KPNA4: variants seen among roughly 807,000 people sequenced by gnomAD.
KPNA4 encodes the protein karyopherin subunit alpha 4, also known as importin subunit alpha-3.
A neutral mutation model predicts 71.3 loss-of-function variants in KPNA4; 13 were observed. The ratio of observed to expected loss-of-function variants is 0.18; its 90% CI spans 0.12 to 0.29. KPNA4 has a LOEUF of 0.29. KPNA4 is among the 10% of genes least tolerant of loss of function. The pLI, the probability that KPNA4 is intolerant of heterozygous loss-of-function variation, is 1.00. For missense variants in KPNA4, 334 were observed against 603.2 expected (o/e 0.55, Z 4.67); for synonymous variants, 189 against 195.2 (o/e 0.97, Z 0.26).
In KPNA4 at chr3:160,499,678, C is replaced by G. The variant is rs1225274759; in HGVS notation, c.*2426G>C. The G allele has an allele frequency of 1.3e-5, 2 of 152,032 alleles. No individual in the cohort carries two copies. The highest frequency in any genetic ancestry group is 4.8e-5 in the African/African-American group (2 of 41,392). 9.4% of individuals were successfully genotyped at this position (152,032 alleles called of 1,614,324 possible). On this transcript the variant is annotated 3_prime_UTR_variant, in exon 17 of 17. Coordinates refer to ENST00000334256, the MANE Select transcript of KPNA4 (RefSeq NM_002268.5). ...CCAGAGATATTAATATCACCCTTACCTATTTTCCATATCACTGTTCTATAC... is the reference window on the plus strand; with the variant it reads ...CCAGAGATATTAATATCACCCTTACGTATTTTCCATATCACTGTTCTATAC...
intron 1 of KPNA4, among the ~76,000 whole-genome samples, chr3:160,561,255 T>C (rs1229178858): frequency 1.3e-5 from 2 of 152,108 alleles, no homozygotes; most frequent in Non-Finnish European, 2.9e-5. Flanking sequence ...TATGCAGGTT[T>C]ATTAGGAAAT....
chr3:160,538,308 T>C (rs1165738203), intron 1 of KPNA4, among the ~76,000 whole-genome samples: 2 of 152,012 alleles, frequency 1.3e-5, no homozygotes, highest in Non-Finnish European at 2.9e-5. Flanking sequence ...TAGCAGTGGG[T>C]CTAGTAACTA....
chr3:160,518,220 C>T lies in KPNA4; in HGVS notation c.904-2640G>A, dbSNP rs1028505943. ...TCGGCTCACTGCAAGCTCCGCCTCC[C>T]GGGTTCACGCCATTCTCCTGCCTCA... On this transcript the variant is annotated intron_variant, in intron 11 of 16. Coordinates refer to ENST00000334256, the MANE Select transcript of KPNA4 (RefSeq NM_002268.5). Among the ~76,000 whole-genome samples, 87 of 151,752 alleles carry T rather than the reference C, an allele frequency of 5.7e-4. 2 individuals are homozygous for T. The highest frequency in any genetic ancestry group is 5.6e-3 in the Admixed American group (86 of 15,254).
At chr3:160,505,293 A>G (rs576513809) in intron 15 of KPNA4, among the ~76,000 whole-genome samples, 134 of 152,314 alleles carry the variant, frequency 8.8e-4, no homozygotes, top group Middle Eastern at 6.8e-3. Context: ...AAGTGTATAA[A>G]TAAGTAATGA....
chr3:160,510,009 T>C, intron 13 of KPNA4, 138 bp from the exon 14 acceptor site: 1 of 640,256 alleles, frequency 1.6e-6, no homozygotes, highest in South Asian at 1.9e-5. Context: ...TTTTTCTTAT[T>C]AAGACAGGTC....
At chr3:160,564,117 G>A (rs1264771675) in intron 1 of KPNA4, 1 of 152,080 alleles carries the variant, frequency 6.6e-6, no homozygotes, top group Non-Finnish European at 1.5e-5. Flanking sequence ...ATGCAGAAGG[G>A]AAGTATTAAA....
rs557483367 is a variant in KPNA4 at position 160,544,027 on chromosome 3, G to A, written c.70-7187C>T. 3.9e-5 allele frequency among the ~76,000 whole-genome samples: 6 copies of A among 152,012 alleles called. No individual in the cohort carries two copies. In the East Asian group the frequency reaches 5.8e-4, roughly 15 times the overall value. ...TGCCCGCCACCACGCCCAGTGTGGC[G>A]TGGTATTTTTAGTAGAAACGGGGTT... On this transcript the variant is annotated intron_variant, in intron 1 of 16. Coordinates refer to ENST00000334256, the MANE Select transcript of KPNA4 (RefSeq NM_002268.5).
At chr3:160,519,946 T>C (rs1227698336) in intron 11 of KPNA4, among the ~76,000 whole-genome samples, 1 of 152,178 alleles carries the variant, frequency 6.6e-6, no homozygotes, top group African/African-American at 2.4e-5. Flanking sequence ...TACACTATTT[T>C]ATTTTATGAA....
At chr3:160,516,021 C>T (rs1487594071) in intron 11 of KPNA4, among the ~76,000 whole-genome samples, 3 of 152,210 alleles carry the variant, frequency 2.0e-5, no homozygotes, top group Non-Finnish European at 2.9e-5. Context: ...GAGTCTCACT[C>T]TGTCGCCCAG....
At chr3:160,560,703 C>A (rs1428340274) in intron 1 of KPNA4, among the ~76,000 whole-genome samples, 1 of 151,952 alleles carries the variant, frequency 6.6e-6, no homozygotes, top group Non-Finnish European at 1.5e-5. Flanking sequence ...AAAATAAGGG[C>A]ATCTTGGTAT....
At chr3:160,554,286 G>T (rs1392734308) in intron 1 of KPNA4, among the ~76,000 whole-genome samples, 1 of 152,162 alleles carries the variant, frequency 6.6e-6, no homozygotes, top group Non-Finnish European at 1.5e-5. Context: ...TCACAAAGTT[G>T]TGCATTGAAC....
chr3:160,519,801 C>CAAAAAAAAAAAAAAAAAAAA (rs558355699), intron 11 of KPNA4, among the ~76,000 whole-genome samples: 3 of 83,692 alleles, frequency 3.6e-5, no homozygotes, highest in South Asian at 4.3e-4. Context: ...GACTCCGTCT[C>CAAAAAAAAAAAAAAAAAAAA]AAAAAAAAAA....
At chr3:160,561,780 A>C (rs1226465143) in intron 1 of KPNA4, among the ~76,000 whole-genome samples, 1 of 152,088 alleles carries the variant, frequency 6.6e-6, no homozygotes, top group Admixed American at 6.5e-5. Flanking sequence ...CAGAGAGAAA[A>C]AACAGCCACT....
chr3:160,543,972 C>T (rs1456317967), intron 1 of KPNA4, among the ~76,000 whole-genome samples: 1 of 152,154 alleles, frequency 6.6e-6, no homozygotes, highest in African/African-American at 2.4e-5. Flanking sequence ...ATTCTCTTGC[C>T]TCAGCCACCC....
At chr3:160,541,649 G>GCGCGCACA (rs376581446) in intron 1 of KPNA4, among the ~76,000 whole-genome samples, 1 of 146,648 alleles carries the variant, frequency 6.8e-6, no homozygotes, top group African/African-American at 2.5e-5. Flanking sequence ...TTATATACGC[G>GCGCGCACA]CACACACACA....
intron 1 of KPNA4, among the ~76,000 whole-genome samples, chr3:160,553,853 T>C (rs1208381864): frequency 6.6e-6 from 1 of 152,206 alleles, no homozygotes. Context: ...TAAGGTGTAA[T>C]ACTCATTGTA....
intron 1 of KPNA4, among the ~76,000 whole-genome samples, chr3:160,562,910 A>G (rs1264595212): frequency 6.6e-6 from 1 of 152,224 alleles, no homozygotes; most frequent in Non-Finnish European, 1.5e-5. Flanking sequence ...AAAGTGCCAA[A>G]AGATATGAGG....
rs192505967 is a variant in KPNA4, at chr3:160,495,433, T to C, written c.*6671A>G. On this transcript the variant is annotated 3_prime_UTR_variant, in exon 17 of 17. Coordinates refer to ENST00000334256, the MANE Select transcript of KPNA4 (RefSeq NM_002268.5). ...GAGATAATGGGTAAAAACTTTTTAG[T>C]ATTCTTTTAGTACTTCTGTTTCTGA... 6.6e-6 allele frequency: 1 copy of C among 152,154 alleles called. No individual in the cohort carries two copies. Among genetic ancestry groups the C allele is most frequent in the Non-Finnish European group, 1.5e-5 (1 of 68,024 alleles). The allele number at this position is 152,154 out of a possible 1,614,324, so 9.4% of individuals were successfully genotyped here. A position where few individuals can be genotyped will look rare whatever the true frequency, so the allele number is the denominator to read the frequency against.
intron 1 of KPNA4, among the ~76,000 whole-genome samples, chr3:160,550,961 T>A (rs1722029246): frequency 6.6e-6 from 1 of 152,330 alleles, no homozygotes; most frequent in African/African-American, 2.4e-5. Context: ...TACTGGCCTG[T>A]AGTTTTCTTT....
Sources: allele counts gnomAD v4.1 joint callset (sites outside exome capture counted in the v4.1 genomes callset), GRCh38; gene constraint gnomAD v4.1.1; transcripts MANE v1.5; gene names NCBI Gene and HGNC (gene_info 2026-07-23, HGNC 2026-07-21).